Variants in FLG observed in about 807,000 individuals in gnomAD.
The protein encoded by FLG is filaggrin.
Under a neutral mutation model 3.8 loss-of-function variants are expected in FLG, and 6 were observed. The ratio of observed to expected loss-of-function variants is 1.60; its 90% CI spans 0.87 to 3.15. FLG has a LOEUF of 3.15. Ranked by LOEUF, FLG falls within the 30% of genes most tolerant of loss-of-function variation. The pLI is 0.00. For synonymous variants in FLG, 2,551 were observed against 1,931.6 expected (o/e 1.32, Z -8.41); for missense variants, 7,595 against 5,050.9 (o/e 1.50, Z -15.27).
At position 152,313,676 on chromosome 1, in the gene FLG, G is replaced by T. The variant is rs758526202; in HGVS notation, c.1210C>A (p.Gln404Lys). ...CGATCGCTGACTGCAGATGAAGCTT[G>T]CCCGCGCCCAGTGGCTGAGTGTCTG... is the stretch of plus-strand genomic sequence containing the variant. Reference protein sequence around the residue: ...SSRHSATGRGQASSAVSDRGH... With the variant: ...SSRHSATGRGKASSAVSDRGH... The change falls in exon 3 of 3, where the codon CAA becomes AAA. Residue 404 changes from glutamine (Q) to lysine (K), a missense_variant. Physicochemically the swap from Gln to Lys is moderately conservative, Grantham distance 53. Transcript: ENST00000368799. 4 of 1,614,008 alleles carry T rather than the reference G, an allele frequency of 2.5e-6. No individual in the cohort carries two copies. Among genetic ancestry groups the T allele is most frequent in the Non-Finnish European group, 2.5e-6 (3 of 1,180,000 alleles).
chr1:152,308,180 T>G lies in FLG; in HGVS notation c.6706A>C (p.Ser2236Arg). ...GQGQSSGPRT[S>R]RPRGSSVSQD... Reference sequence around the variant, plus strand: ...CTAACACTGGATCCCCGGGGCCTGCTTGTCCTGGGCCCTGATGATTGTCCC... The same window carrying G: ...CTAACACTGGATCCCCGGGGCCTGCGTGTCCTGGGCCCTGATGATTGTCCC... The change falls in exon 3 of 3, where the codon AGC (serine) becomes CGC (arginine). Residue 2236 changes from serine (S) to arginine (R), a missense_variant. Transcript: ENST00000368799. 6.2e-7 allele frequency: 1 copy of G among 1,614,002 alleles called. No homozygotes were observed. The highest frequency in any genetic ancestry group is 8.5e-7 in the Non-Finnish European group (1 of 1,179,966).
chr1:152,309,988 G>C lies in FLG; in HGVS notation c.4898C>G (p.Pro1633Arg), dbSNP rs758146665. The change falls in exon 3 of 3, where the codon CCC (proline) becomes CGC (arginine). Residue 1633 changes from proline to arginine, a missense_variant. Coordinates refer to ENST00000368799, the MANE Select transcript of FLG (RefSeq NM_002016.2). ...GGCTCTATCTTCTTGATGGGACCTG[G>C]GGTTCCTGGAGCCATGTCTTGACTG... The part of the protein sequence containing the change: ...REQSRHGSRN[P>R]RSHQEDRASH... 2 of 1,613,776 alleles carry C rather than the reference G, an allele frequency of 1.2e-6. No homozygotes were observed. Among genetic ancestry groups the C allele is most frequent in the Admixed American group, 1.7e-5 (1 of 59,988 alleles).
chr1:152,308,424 T>A lies in FLG; in HGVS notation c.6462A>T (p.Gln2154His), dbSNP rs74129452. 102 of 1,611,508 alleles carry A rather than the reference T, an allele frequency of 6.3e-5. No individual in the cohort carries two copies. In the African/African-American group the frequency reaches 1.2e-3, roughly 19 times the overall value. The part of the protein sequence containing the change: ...PSRGGRQGSH[Q>H]EQSVDRSGHS... ...GTCCAGACCTATCTACCGATTGCTC[T>A]TGGTGGGACCCCTGTCTTCCTCCTC... is the stretch of plus-strand genomic sequence containing the variant. Residue 2154 changes from glutamine (Q) to histidine (H), a missense_variant, in exon 3 of 3, where the codon CAA (glutamine) becomes CAT (histidine). Physicochemically the swap from Gln to His is conservative, Grantham distance 24 (BLOSUM62 0). Transcript: ENST00000368799.
In FLG at chr1:152,307,237, C is replaced by A. The variant is rs144484740; in HGVS notation, c.7649G>T (p.Gly2550Val). 3.6e-5 allele frequency: 58 copies of A among 1,611,226 alleles called. No homozygotes were observed. Among genetic ancestry groups the A allele is most frequent in the Middle Eastern group, 1.7e-4 (1 of 6,060 alleles). The change falls in exon 3 of 3, where the codon GGC (glycine) becomes GTC (valine). Residue 2550 changes from glycine to valine, a missense_variant. Physicochemically the swap from Gly to Val is moderately radical, Grantham distance 109. Coordinates refer to ENST00000368799, the MANE Select transcript of FLG (RefSeq NM_002016.2). Reference sequence around the variant, plus strand: ...CCTGGGCCCCTCTGATTGTCCCTGGCCCACCTGCGAGTGTCCAGAGCTGTC... The same window carrying A: ...CCTGGGCCCCTCTGATTGTCCCTGGACCACCTGCGAGTGTCCAGAGCTGTC... The part of the protein sequence containing the change: ...RADSSGHSQV[G>V]QGQSEGPRTS...
rs1557872857 is a variant in FLG at position 152,306,271 on chromosome 1, TGTGA to T, written c.8611_8614del (p.Ser2871ArgfsTer20). On this transcript the variant is annotated frameshift_variant, in exon 3 of 3. Coordinates refer to ENST00000368799, the MANE Select transcript of FLG (RefSeq NM_002016.2). LOFTEE classifies it low-confidence loss of function (END_TRUNC). The stretch of plus-strand genomic sequence containing the variant: ...CCCCTCTGATTGTCCCTGGACTGCC[TGTGA>T]GTGTCTAGAGATGTCGGCATGAGTG... The T allele has an allele frequency of 6.2e-7, 1 of 1,605,058 alleles. No individual in the cohort carries two copies. The highest frequency in any genetic ancestry group is 1.5e-5 in the African/African-American group (1 of 66,060).
chr1:152,308,016 G>A lies in FLG; in HGVS notation c.6870C>T (p.Ala2290=), dbSNP rs111307972. Residue 2290 remains alanine, a synonymous_variant, in exon 3 of 3, where the codon GCC becomes GCT. Transcript: ENST00000368799. The stretch of plus-strand genomic sequence containing the variant: ...AGCTCTCTGCAGAGTGCCCATGACC[G>A]GCTCTGTCTTCGTGATGGGACCTGG... ...RHPRSHHEDR[A]GHGHSAESSR... is the part of the protein sequence containing the mutation. 197 of 1,613,900 alleles carry A rather than the reference G, an allele frequency of 1.2e-4. No individual in the cohort carries two copies. The highest frequency in any genetic ancestry group is 8.7e-4 in the African/African-American group (65 of 75,010).
Position 152,313,160 on chromosome 1 carries a change from G to C in FLG, c.1726C>G (p.Gln576Glu). ...GAGTGCCTGGTGCCGTCTCCTGATT[G>C]TTCCTCATTTCGTGTTTGTCTGCTT... is the stretch of plus-strand genomic sequence containing the variant. ...SASRQTRNEE[Q>E]SGDGTRHSGS... Residue 576 changes from glutamine to glutamate, a missense_variant, in exon 3 of 3, where the codon CAA becomes GAA. Coordinates refer to ENST00000368799, the MANE Select transcript of FLG (RefSeq NM_002016.2). 1.2e-6 allele frequency: 2 copies of C among 1,613,828 alleles called. No individual in the cohort carries two copies. The highest frequency in any genetic ancestry group is 1.7e-6 in the Non-Finnish European group (2 of 1,179,990).
intron 1 of FLG, among the ~76,000 whole-genome samples, chr1:152,316,352 A>T (rs759812929): frequency 2.6e-5 from 4 of 152,074 alleles, no homozygotes; most frequent in Non-Finnish European, 5.9e-5. Context: ...TACTAAAATA[A>T]TAGAATTTAT....
At chr1:152,314,883 T>G (rs931505931) in intron 2 of FLG, 136 bp from the exon 3 acceptor site, 4 of 1,077,812 alleles carry the variant, frequency 3.7e-6, no homozygotes, top group Non-Finnish European at 5.4e-6. Context: ...TTTTTAAGAC[T>G]TTTTTGTCTC....
Position 152,314,471 on chromosome 1 carries a change from C to G in FLG, c.415G>C (p.Gly139Arg). 6.2e-7 allele frequency: 1 copy of G among 1,613,284 alleles called. No individual in the cohort carries two copies. The highest frequency in any genetic ancestry group is 8.5e-7 in the Non-Finnish European group (1 of 1,179,706). Residue 139 changes from glycine (G) to arginine (R), a missense_variant, in exon 3 of 3, where the codon GGA becomes CGA. Coordinates refer to ENST00000368799, the MANE Select transcript of FLG (RefSeq NM_002016.2). ...GTTTCTCTTGGGCTCTTGGATCTTC[C>G]CTTATTCCCTTTTCTATTGTTTCTT... ...ERRNNRKGNK[G>R]RSKSPRETGG...
chr1:152,310,098 C>T lies in FLG; in HGVS notation c.4788G>A (p.Gln1596=), dbSNP rs1243954608. The T allele has an allele frequency of 7.4e-6, 12 of 1,613,876 alleles. No homozygotes were observed. In the East Asian group the frequency reaches 2.5e-4, roughly 33 times the overall value. The change falls in exon 3 of 3, where the codon CAG becomes CAA. Residue 1596 remains glutamine, a synonymous_variant. Transcript: ENST00000368799. ...CTGAGTGTCCCTCACTGTCCCTGTC[C>T]TGACTAACACTGGATCCCTGGCGCC... The part of the protein sequence containing the change: ...TSRRQGSSVS[Q]DRDSEGHSED...
rs1376667954 is a variant in FLG, at chr1:152,313,056, C to T, written c.1830G>A (p.Gly610=). 9.3e-6 allele frequency: 15 copies of T among 1,613,966 alleles called. No individual in the cohort carries two copies. The highest frequency in any genetic ancestry group is 1.2e-5 in the Non-Finnish European group (14 of 1,180,010). ...ATCCCTGGTTCCTACTTGTCCTGGG[C>T]CCCGATGATTGTCCCTGGCCCACCT... ...HSQVGQGQSS[G]PRTSRNQGSS... The change falls in exon 3 of 3, where the codon GGG becomes GGA. Residue 610 remains glycine (G), a synonymous_variant. Coordinates refer to ENST00000368799, the MANE Select transcript of FLG (RefSeq NM_002016.2).
rs551170840 is a variant in FLG, at chr1:152,305,453, A to C, written c.9433T>G (p.Ser3145Ala). The change falls in exon 3 of 3, where the codon TCC becomes GCC. Residue 3145 changes from serine to alanine, a missense_variant. Transcript: ENST00000368799. ...CGGGAGGCATCAGACCTTCCCTGGG[A>C]TGTGGTGTGGCTGTGATGGGACCCT... ...HSGSHHSHTTSQGRSDASRGQ... is the reference protein window; with the variant it reads ...HSGSHHSHTTAQGRSDASRGQ... The C allele has an allele frequency of 1.3e-4, 205 of 1,590,942 alleles. 1 individual carries two copies. Among genetic ancestry groups the C allele is most frequent in the Non-Finnish European group, 1.6e-4 (190 of 1,174,050 alleles).
At position 152,312,426 on chromosome 1, in the gene FLG, G is replaced by T; in HGVS notation, c.2460C>A (p.Ser820=). 1 of 1,613,324 alleles carries T rather than the reference G, an allele frequency of 6.2e-7. No homozygotes were observed. The highest frequency in any genetic ancestry group is 8.5e-7 in the Non-Finnish European group (1 of 1,179,840). The change falls in exon 3 of 3, where the codon TCC becomes TCA. Residue 820 remains serine (S), a synonymous_variant. Transcript: ENST00000368799. Reference sequence around the variant, plus strand: ...AGTTGTCTCGTGCCTGCTCATGGTGGGATCCTTGTCTTACTCCAGTGCTGG... The same window carrying T: ...AGTTGTCTCGTGCCTGCTCATGGTGTGATCCTTGTCTTACTCCAGTGCTGG... ...TGPSTGVRQG[S]HHEQARDNSR...
In FLG at chr1:152,312,207, G is replaced by A. The variant is rs772944521; in HGVS notation, c.2679C>T (p.Ser893=). ...SRGQSGSRSA[S]RTTRNEEQSR... The stretch of plus-strand genomic sequence containing the variant: ...ATTGTTCCTCATTACGTGTTGTTCT[G>A]CTTGCACTTCTGGATCCTGACTGCC... The change falls in exon 3 of 3, where the codon AGC becomes AGT. Residue 893 remains serine, a synonymous_variant. Coordinates refer to ENST00000368799, the MANE Select transcript of FLG (RefSeq NM_002016.2). The A allele has an allele frequency of 3.7e-6, 6 of 1,613,390 alleles. No homozygotes were observed. In the Admixed American group the frequency reaches 8.3e-5, roughly 22 times the overall value.
Position 152,307,029 on chromosome 1 carries a change from A to C in FLG, c.7857T>G (p.Ser2619=), listed in dbSNP as rs770662548. The change falls in exon 3 of 3, where the codon TCT becomes TCG. Residue 2619 remains serine, a synonymous_variant. Transcript: ENST00000368799. Reference sequence around the variant, plus strand: ...TGCCTGATTGTCTGGAGCTGTCTGCAGAGTGCCCATGACCAGCTCTGTCTT... The same window carrying C: ...TGCCTGATTGTCTGGAGCTGTCTGCCGAGTGCCCATGACCAGCTCTGTCTT... ...HQEDRAGHGH[S]ADSSRQSGTR... is the part of the protein sequence containing the mutation. 12 of 1,601,318 alleles carry C rather than the reference A, an allele frequency of 7.5e-6. No individual in the cohort carries two copies. Among genetic ancestry groups the C allele is most frequent in the Admixed American group, 1.7e-5 (1 of 58,662 alleles).
intron 1 of FLG, among the ~76,000 whole-genome samples, chr1:152,324,319 C>T (rs1168296491): frequency 1.3e-5 from 2 of 151,798 alleles, no homozygotes; most frequent in Non-Finnish European, 2.9e-5. Context: ...TTCTACTGTG[C>T]CCCTCTTTAC....
In FLG at chr1:152,312,471, G is replaced by A. The variant is rs777025387; in HGVS notation, c.2415C>T (p.Ser805=). The change falls in exon 3 of 3, where the codon TCC becomes TCT. Residue 805 remains serine, a synonymous_variant. Coordinates refer to ENST00000368799, the MANE Select transcript of FLG (RefSeq NM_002016.2). ...YQVSTHKQSE[S]SHGWTGPSTG... ...TGCTGGGCCCTGTCCATCCATGGGAGGACTCAGACTGTTTATGAGTGCTCA... is the reference window on the plus strand; with the variant it reads ...TGCTGGGCCCTGTCCATCCATGGGAAGACTCAGACTGTTTATGAGTGCTCA... 24 of 1,613,584 alleles carry A rather than the reference G, an allele frequency of 1.5e-5. No homozygotes were observed. The South Asian group carries it at 1.9e-4, about 13-fold the overall frequency.
chr1:152,316,745 C>T lies in FLG; in HGVS notation c.-21-1268G>A, dbSNP rs77114446. On this transcript the variant is annotated intron_variant, in intron 1 of 2. Coordinates refer to ENST00000368799, the MANE Select transcript of FLG (RefSeq NM_002016.2). Reference sequence around the variant, plus strand: ...TCTCACTCTTTGACCTTCTCTTGTACGCTGATGTCAATAATTCTTTAACCT... The same window carrying T: ...TCTCACTCTTTGACCTTCTCTTGTATGCTGATGTCAATAATTCTTTAACCT... Among the ~76,000 whole-genome samples, 230 of 152,204 alleles carry T rather than the reference C, an allele frequency of 1.5e-3. 7 individuals carry two copies. In the East Asian group the frequency reaches 0.029, roughly 19 times the overall value.
Sources: gnomAD v4.1 joint callset for allele counts (sites outside exome capture counted in the v4.1 genomes callset) on GRCh38, gnomAD v4.1.1 for gene constraint, MANE v1.5 for transcripts, NCBI Gene and HGNC (gene_info 2026-07-23, HGNC 2026-07-21) for gene names.